The following TAF4 variants were observed in gnomAD, a reference collection of about 807,000 sequenced individuals.
TAF4 encodes TATA-box binding protein associated factor 4.
TAF4 carries 9 observed loss-of-function variants against 90.3 expected under a neutral mutation model. The ratio of observed to expected loss-of-function variants is 0.10; its 90% CI spans 0.06 to 0.17. TAF4 has a LOEUF of 0.17. Ranked by LOEUF, TAF4 falls within the 10% of genes least tolerant of loss-of-function variation. The probability of loss-of-function intolerance (pLI) is 1.00; values close to 1 mark genes in which losing one functional copy is unlikely to be tolerated. For missense variants in TAF4, 1,351 were observed against 1,370.7 expected, an observed-to-expected ratio of 0.99 and a Z score of 0.23; for synonymous variants, 818 against 638.9, an observed-to-expected ratio of 1.28 and a Z score of -4.23.
rs2056127740 is a variant in TAF4 at position 62,065,763 on chromosome 20, C to T, written c.48G>A (p.Glu16=). Reference sequence around the variant, plus strand: ...GGTCGCTCACCACTTTCTCGTCCACCTCGCTGTTGAAGAAGACCTCGTCCA... The same window carrying T: ...GGTCGCTCACCACTTTCTCGTCCACTTCGCTGTTGAAGAAGACCTCGTCCA... ...DLLDEVFFNS[E]VDEKVVSDLV... Residue 16 remains glutamate, a synonymous_variant, in exon 1 of 15, where the codon GAG becomes GAA. Transcript: ENST00000252996. 7.4e-7 allele frequency: 1 copy of T among 1,349,594 alleles called. No individual in the cohort carries two copies. Among genetic ancestry groups the T allele is most frequent in the Non-Finnish European group, 9.7e-7 (1 of 1,033,156 alleles). The allele number at this position is 1,349,594 out of a possible 1,614,324, so 83.6% of individuals were successfully genotyped here.
At chr20:62,012,575 G>A (rs2055785266) in intron 3 of TAF4, 2 of 452,800 alleles carry the variant, frequency 4.4e-6, no homozygotes, top group Non-Finnish European at 3.8e-6. Flanking sequence ...CTTGAACAGT[G>A]CTGCTGGTGT....
At chr20:62,057,271 G>A (rs979355389) in intron 1 of TAF4, among the ~76,000 whole-genome samples, 2 of 152,334 alleles carry the variant, frequency 1.3e-5, no homozygotes, top group Non-Finnish European at 1.5e-5. Context: ...CCAGCGCCCA[G>A]AGAAGGGTTC....
At chr20:62,025,876 G>T (rs1357550428) in intron 1 of TAF4, among the ~76,000 whole-genome samples, 1 of 152,216 alleles carries the variant, frequency 6.6e-6, no homozygotes, top group East Asian at 1.9e-4. Flanking sequence ...GCTAGAGAGA[G>T]GCAGAGGCCG....
Position 62,006,568 on chromosome 20 carries a change from A to C in TAF4, c.2165T>G (p.Leu722Arg), listed in dbSNP as rs2055746724. 2 of 1,587,180 alleles carry C rather than the reference A, an allele frequency of 1.3e-6. No homozygotes were observed. Among genetic ancestry groups the C allele is most frequent in the Non-Finnish European group, 1.7e-6 (2 of 1,169,660 alleles). Residue 722 changes from leucine (L) to arginine (R), a missense_variant, in exon 7 of 15, where the codon CTC (leucine) becomes CGC (arginine). By Grantham distance (102) the Leu-to-Arg change is moderately radical. This residue lies in a region of TAF4 where 202 missense variants were observed against 229.7 expected (regional missense o/e 0.88). Transcript: ENST00000252996. The surrounding 1 kb of genome is among the most constrained non-coding windows in gnomAD (Gnocchi z 7.0). ...GACCTGCGTGGGCTGCGTGAGGCTG[A>C]GCACAGGGGGCTGGAGGGCACTGGT... is the stretch of plus-strand genomic sequence containing the variant. The part of the protein sequence containing the change: ...TVTSALQPPV[L>R]SLTQPTQVGV...
chr20:62,004,328 CTT>C (rs60437230), intron 7 of TAF4, among the ~76,000 whole-genome samples: 24 of 117,184 alleles, frequency 2.0e-4, no homozygotes, highest in African/African-American at 2.6e-4. Context: ...CTTTTCTTTT[CTT>C]TTTTTTTTTT....
chr20:62,009,896 G>T, intron 4 of TAF4, 150 bp downstream of exon 4: 1 of 1,268,450 alleles, frequency 7.9e-7, no homozygotes, highest in Non-Finnish European at 1.1e-6. Context: ...AGCCCCACGT[G>T]CTCACGTGGG....
rs1474921738 is a variant in TAF4, at chr20:62,010,524, C to T, written c.1642-359G>A. Among the ~76,000 whole-genome samples the T allele has an allele frequency of 6.6e-6, 1 of 152,138 alleles. No homozygotes were observed. The highest frequency in any genetic ancestry group is 1.5e-5 in the Non-Finnish European group (1 of 68,036). ...TAACAGGCAACCCAGATCCCCATCT[C>T]TCAGAAATCAAAACAACAAACAGAA... On this transcript the variant is annotated intron_variant, in intron 3 of 14. Coordinates refer to ENST00000252996, the MANE Select transcript of TAF4 (RefSeq NM_003185.4). The surrounding 1 kb of genome is among the most constrained non-coding windows in gnomAD (Gnocchi z 4.5).
intron 14 of TAF4, among the ~76,000 whole-genome samples, chr20:61,982,431 AC>A (rs2055554162): frequency 8.0e-6 from 1 of 125,370 alleles, no homozygotes; most frequent in African/African-American, 3.1e-5. Flanking sequence ...AGACACCAAA[AC>A]CCACACCCAC....
intron 14 of TAF4, among the ~76,000 whole-genome samples, chr20:61,983,695 A>G (rs2055564516): frequency 6.6e-6 from 1 of 152,188 alleles, no homozygotes; most frequent in African/African-American, 2.4e-5. Flanking sequence ...TAATTATAAA[A>G]TATTATGATA....
intron 1 of TAF4, among the ~76,000 whole-genome samples, chr20:62,044,509 T>C (rs1207498076): frequency 1.3e-5 from 2 of 152,170 alleles, no homozygotes; most frequent in Non-Finnish European, 2.9e-5. Context: ...AAAAGGATCA[T>C]TTCAGTGGAG....
intron 5 of TAF4, 104 bp from the exon 6 acceptor site, chr20:62,007,740 G>T: frequency 9.2e-7 from 1 of 1,082,592 alleles, no homozygotes; most frequent in Non-Finnish European, 1.3e-6. Context: ...ATTCCGCCCC[G>T]AGTTTCACTG....
At chr20:62,050,630 G>A (rs1568942320) in intron 1 of TAF4, among the ~76,000 whole-genome samples, 2 of 152,094 alleles carry the variant, frequency 1.3e-5, no homozygotes, top group African/African-American at 4.8e-5. Context: ...AATAAACCCA[G>A]TGCAGGCTCC....
chr20:62,023,716 C>G (rs2055856983), intron 1 of TAF4, among the ~76,000 whole-genome samples: 1 of 143,504 alleles, frequency 7.0e-6, no homozygotes, highest in African/African-American at 2.7e-5. Context: ...CCACTGCACT[C>G]CAGCCTGGGC....
At chr20:62,030,671 T>A (rs1430549403) in intron 1 of TAF4, among the ~76,000 whole-genome samples, 1 of 152,218 alleles carries the variant, frequency 6.6e-6, no homozygotes, top group Non-Finnish European at 1.5e-5. Flanking sequence ...CCAATTAACA[T>A]GCTTAGAGTA....
rs1478387558 is a variant in TAF4, at chr20:62,064,731, G to T, written c.1080C>A (p.Thr360=). 2.2e-5 allele frequency: 26 copies of T among 1,205,122 alleles called. No homozygotes were observed. Among genetic ancestry groups the T allele is most frequent in the Non-Finnish European group, 2.6e-5 (25 of 973,144 alleles). 74.7% of individuals were successfully genotyped at this position (1,205,122 alleles called of 1,614,324 possible). The change falls in exon 1 of 15, where the codon ACC becomes ACA. Residue 360 remains threonine, a synonymous_variant. Coordinates refer to ENST00000252996, the MANE Select transcript of TAF4 (RefSeq NM_003185.4). The part of the protein sequence containing the change: ...VVQAAPPAAQ[T]LAASGPASTA... ...TGCTGGCCGGGCCGCTGGCCGCCAGGGTCTGCGCCGCCGGGGGCGCCGCCT... is the reference window on the plus strand; with the variant it reads ...TGCTGGCCGGGCCGCTGGCCGCCAGTGTCTGCGCCGCCGGGGGCGCCGCCT...
At chr20:62,018,859 T>C (rs2055827338) in intron 1 of TAF4, among the ~76,000 whole-genome samples, 1 of 152,180 alleles carries the variant, frequency 6.6e-6, no homozygotes, top group South Asian at 2.1e-4. Context: ...TTCCAGGTGG[T>C]GACGGGATGG....
At chr20:62,004,897 G>A (rs931950135) in intron 7 of TAF4, 6 of 152,314 alleles carry the variant, frequency 3.9e-5, no homozygotes, top group African/African-American at 1.4e-4. Flanking sequence ...CTGTCCCCAG[G>A]ATGCTGGGGC....
intron 11 of TAF4, among the ~76,000 whole-genome samples, chr20:61,999,684 G>A (rs2055686423): frequency 6.6e-6 from 1 of 152,208 alleles, no homozygotes; most frequent in Non-Finnish European, 1.5e-5. Context: ...AGAGGCTCAT[G>A]CCTGTAATCC....
At chr20:62,063,441 G>A (rs1232914638) in intron 1 of TAF4, among the ~76,000 whole-genome samples, 1 of 152,106 alleles carries the variant, frequency 6.6e-6, no homozygotes, top group African/African-American at 2.4e-5. Flanking sequence ...CACCCACCAC[G>A]GCGGCTGGGG....
Sources: gnomAD v4.1 joint callset for allele counts (sites outside exome capture counted in the v4.1 genomes callset) on GRCh38, gnomAD v4.1.1 for gene constraint, gnomAD v4.1.1 regional missense constraint, Gnocchi (gnomAD v3.1) non-coding constraint, MANE v1.5 for transcripts, NCBI Gene and HGNC (gene_info 2026-07-23, HGNC 2026-07-21) for gene names.